ZRANB3: variants seen among roughly 807,000 people sequenced by gnomAD.
ZRANB3 encodes the protein zinc finger RANBP2-type containing 3.
Under a neutral mutation model 133.8 loss-of-function variants are expected in ZRANB3, and 125 were observed. That is an observed-to-expected ratio of 0.93 (90% CI 0.81 to 1.08). The LOEUF (loss-of-function observed/expected upper bound fraction) is 1.08, where lower values mean the gene tolerates loss of function less well. Ranked by LOEUF, ZRANB3 falls within the 50% of genes least tolerant of loss-of-function variation. The pLI is 0.00. For missense variants in ZRANB3, 1,229 were observed against 1,275.5 expected, an observed-to-expected ratio of 0.96 and a Z score of 0.56; for synonymous variants, 387 against 432.7, an observed-to-expected ratio of 0.89 and a Z score of 1.31.
chr2:135,297,472 T>G (rs897682241), intron 8 of ZRANB3, among the ~76,000 whole-genome samples: 1 of 152,240 alleles, frequency 6.6e-6, no homozygotes, highest in Admixed American at 6.5e-5. Context: ...AGGTGCCGTC[T>G]GTCACCCGTT....
At chr2:135,398,843 A>T (rs1687616121) in intron 2 of ZRANB3, among the ~76,000 whole-genome samples, 1 of 152,048 alleles carries the variant, frequency 6.6e-6, no homozygotes, top group African/African-American at 2.4e-5. Context: ...TTTTTTATTG[A>T]TCAGTTCTCC....
chr2:135,344,182 T>G (rs960245096), intron 6 of ZRANB3, among the ~76,000 whole-genome samples: 1 of 152,222 alleles, frequency 6.6e-6, no homozygotes, highest in Non-Finnish European at 1.5e-5. Flanking sequence ...ATTTGCCATT[T>G]TTTTTGAGCT....
At chr2:135,380,719 C>A (rs1474635716) in intron 3 of ZRANB3, among the ~76,000 whole-genome samples, 1 of 152,134 alleles carries the variant, frequency 6.6e-6, no homozygotes, top group Non-Finnish European at 1.5e-5. Context: ...CAGGAAAGAT[C>A]TAAAATTGAC....
chr2:135,518,268 T>C (rs1693782593), intron 1 of ZRANB3, among the ~76,000 whole-genome samples: 1 of 151,894 alleles, frequency 6.6e-6, no homozygotes, highest in African/African-American at 2.4e-5. Flanking sequence ...GAGGAGTGAA[T>C]GATTGTCTCG....
intron 6 of ZRANB3, among the ~76,000 whole-genome samples, chr2:135,322,206 C>T (rs1386038862): frequency 6.6e-6 from 1 of 152,136 alleles, no homozygotes; most frequent in African/African-American, 2.4e-5. Context: ...TTTCTAGATT[C>T]TATATGTTCC....
At chr2:135,527,752 G>A (rs766880074) in intron 1 of ZRANB3, among the ~76,000 whole-genome samples, 1 of 152,238 alleles carries the variant, frequency 6.6e-6, no homozygotes, top group East Asian at 1.9e-4. Context: ...ACTGTTGCAA[G>A]TTTTTTCAAT....
At chr2:135,496,269 A>G (rs985333590) in intron 2 of ZRANB3, among the ~76,000 whole-genome samples, 1 of 151,808 alleles carries the variant, frequency 6.6e-6, no homozygotes, top group African/African-American at 2.4e-5. Flanking sequence ...CTGTAATCCC[A>G]GCTACTCGGA....
At chr2:135,506,184 A>C (rs1204505909) in intron 1 of ZRANB3, among the ~76,000 whole-genome samples, 2 of 152,154 alleles carry the variant, frequency 1.3e-5, no homozygotes, top group Non-Finnish European at 1.5e-5. Context: ...TGAGGTCAGG[A>C]GTTTGAGACC....
chr2:135,330,251 GT>G (rs1684070565), intron 6 of ZRANB3, among the ~76,000 whole-genome samples: 2 of 152,086 alleles, frequency 1.3e-5, no homozygotes, highest in African/African-American at 4.8e-5. Context: ...TTTAGTTACA[GT>G]TTTTGGCATG....
At chr2:135,471,554 C>T (rs1025249790) in intron 2 of ZRANB3, among the ~76,000 whole-genome samples, 3 of 152,074 alleles carry the variant, frequency 2.0e-5, no homozygotes, top group African/African-American at 2.4e-5. Context: ...AATATCGTAA[C>T]TATTTTTAAA....
intron 1 of ZRANB3, among the ~76,000 whole-genome samples, chr2:135,506,947 G>A (rs1394437235): frequency 6.6e-6 from 1 of 152,116 alleles, no homozygotes; most frequent in Non-Finnish European, 1.5e-5. Context: ...CCCTCCCTAG[G>A]ACCCTCTCAC....
At chr2:135,405,666 T>A (rs1558976068) in intron 2 of ZRANB3, among the ~76,000 whole-genome samples, 1 of 152,124 alleles carries the variant, frequency 6.6e-6, no homozygotes, top group Non-Finnish European at 1.5e-5. Context: ...ATTAAGAAAT[T>A]CACTCAAATC....
At chr2:135,403,856 C>A (rs1359738268) in intron 2 of ZRANB3, among the ~76,000 whole-genome samples, 3 of 152,232 alleles carry the variant, frequency 2.0e-5, no homozygotes, top group Non-Finnish European at 4.4e-5. Flanking sequence ...TGGAGTGGAC[C>A]TCCAGCAAAC....
At chr2:135,270,535 C>T (rs1237280596) in intron 10 of ZRANB3, among the ~76,000 whole-genome samples, 1 of 152,180 alleles carries the variant, frequency 6.6e-6, no homozygotes, top group Non-Finnish European at 1.5e-5. Context: ...TCCTACTTAG[C>T]ACCTCCCCAG....
At chr2:135,484,486 C>T (rs1692000838) in intron 2 of ZRANB3, among the ~76,000 whole-genome samples, 1 of 151,608 alleles carries the variant, frequency 6.6e-6, no homozygotes, top group Non-Finnish European at 1.5e-5. Context: ...TATACATATC[C>T]AGAAATAAAT....
intron 2 of ZRANB3, among the ~76,000 whole-genome samples, chr2:135,494,499 G>A (rs1014852003): frequency 2.4e-4 from 36 of 152,188 alleles, no homozygotes; most frequent in African/African-American, 7.7e-4. Flanking sequence ...ATCTATGTAT[G>A]CTAAATCCAA....
At chr2:135,507,286 A>G (rs1260999352) in intron 1 of ZRANB3, among the ~76,000 whole-genome samples, 1 of 152,152 alleles carries the variant, frequency 6.6e-6, no homozygotes, top group Non-Finnish European at 1.5e-5. Flanking sequence ...TGGCTATAAG[A>G]TAAGAAGTGG....
Position 135,260,187 on chromosome 2 carries a change from C to A in ZRANB3, c.1539+5347G>T, listed in dbSNP as rs190848985. ...CCTGGAGATGACCTACATTATCACTCAATGGAAGCCACTGTAGAGAAATCA... is the reference window on the plus strand; with the variant it reads ...CCTGGAGATGACCTACATTATCACTAAATGGAAGCCACTGTAGAGAAATCA... On this transcript the variant is annotated intron_variant, in intron 12 of 20. Transcript: ENST00000264159. Among the ~76,000 whole-genome samples the A allele has an allele frequency of 1.3e-4, 20 of 152,266 alleles. No individual in the cohort carries two copies. The East Asian group carries it at 3.9e-3, about 29-fold the overall frequency.
In ZRANB3 at chr2:135,217,603, A is replaced by G. The variant is rs752285645; in HGVS notation, c.2357T>C (p.Leu786Ser). Residue 786 changes from leucine to serine, a missense_variant, in exon 17 of 21, where the codon TTG becomes TCG. Physicochemically the swap from Leu to Ser is moderately radical, Grantham distance 145 (BLOSUM62 -2). Transcript: ENST00000264159. ...FQLKQYRSLI[L>S]RFVREWSSLT... ...ACTACTCCATTCTCGAACAAATCTC[A>G]AAATCTGGCAGAAAATGAGATAATA... The G allele has an allele frequency of 8.1e-6, 13 of 1,608,274 alleles. No individual in the cohort carries two copies. Among genetic ancestry groups the G allele is most frequent in the Non-Finnish European group, 1.1e-5 (13 of 1,177,884 alleles).
Sources: allele counts gnomAD v4.1 joint callset (sites outside exome capture counted in the v4.1 genomes callset), GRCh38; gene constraint gnomAD v4.1.1; transcripts MANE v1.5; gene names NCBI Gene and HGNC (gene_info 2026-07-23, HGNC 2026-07-21).